UTS2: variants seen among roughly 807,000 people sequenced by gnomAD.
The protein encoded by UTS2 is urotensin-2.
Under a neutral mutation model 12.6 loss-of-function variants are expected in UTS2, and 10 were observed. The observed-to-expected ratio is 0.80, with a 90% CI of 0.49 to 1.35. UTS2 has a LOEUF of 1.35. Ranked by LOEUF, UTS2 falls within the 40% of genes most tolerant of loss-of-function variation. The pLI is 0.00. For missense variants in UTS2, 142 were observed against 143.2 expected, an observed-to-expected ratio of 0.99 and a Z score of 0.04; for synonymous variants, 52 against 50.0, an observed-to-expected ratio of 1.04 and a Z score of -0.17.
chr1:7,881,951 C>A, the UTS2 span, among the ~76,000 whole-genome samples: 1 of 152,160 alleles, frequency 6.6e-6, no homozygotes, highest in Admixed American at 6.5e-5. Flanking sequence ...TGGAAAAGCA[C>A]AGAAAACCCA....
At chr1:7,900,554 A>G in the UTS2 span, among the ~76,000 whole-genome samples, 1 of 152,050 alleles carries the variant, frequency 6.6e-6, no homozygotes, top group African/African-American at 2.4e-5. Flanking sequence ...AGCCAGGTGG[A>G]TTACCTGAGG....
the UTS2 span, among the ~76,000 whole-genome samples, chr1:7,883,579 T>C: frequency 6.6e-6 from 1 of 152,204 alleles, no homozygotes; most frequent in Non-Finnish European, 1.5e-5. Context: ...CTTTTCAAAA[T>C]GATGGATATC....
upstream of UTS2, among the ~76,000 whole-genome samples, chr1:7,857,107 T>TGAAGGAAGGAAGGAAGGAAGGAAGAAG: frequency 8.0e-6 from 1 of 125,370 alleles, no homozygotes; most frequent in East Asian, 2.4e-4. Context: ...AGAAAAGGAA[T>TGAAGGAAGGAAGGAAGGAAGGAAGAAG]GAAGGAAGGA....
the UTS2 span, among the ~76,000 whole-genome samples, chr1:7,871,920 T>C: frequency 6.6e-6 from 1 of 152,138 alleles, no homozygotes; most frequent in Non-Finnish European, 1.5e-5. Flanking sequence ...ATATTGAAAT[T>C]AGGCCAATTA....
the UTS2 span, among the ~76,000 whole-genome samples, chr1:7,889,260 C>CAAA: frequency 9.9e-4 from 72 of 72,518 alleles, no homozygotes; most frequent in East Asian, 7.2e-3. Flanking sequence ...CTCATTTCTA[C>CAAA]AAAAAAAAAA....
the UTS2 span, among the ~76,000 whole-genome samples, chr1:7,879,929 C>A: frequency 1.3e-5 from 2 of 151,992 alleles, no homozygotes; most frequent in Non-Finnish European, 2.9e-5. Flanking sequence ...AAAACAAGAA[C>A]AAGCCAAACC....
At chr1:7,863,125 A>ATTTT in the UTS2 span, among the ~76,000 whole-genome samples, 3 of 149,568 alleles carry the variant, frequency 2.0e-5, no homozygotes, top group Admixed American at 6.7e-5. Flanking sequence ...ATTGTATTGT[A>ATTTT]TTTGAGACGA....
the UTS2 span, among the ~76,000 whole-genome samples, chr1:7,891,540 G>GAAAGAAAGAAAGAAAA: frequency 3.0e-4 from 26 of 86,452 alleles, no homozygotes; most frequent in African/African-American, 1.2e-3. Flanking sequence ...AGAAAGAAAA[G>GAAAGAAAGAAAGAAAA]AAAGAAAGAA....
At chr1:7,894,916 G>GC in the UTS2 span, among the ~76,000 whole-genome samples, 1 of 151,900 alleles carries the variant, frequency 6.6e-6, no homozygotes, top group Non-Finnish European at 1.5e-5. Flanking sequence ...GGGCGAGAGA[G>GC]CAAGACCCTG....
chr1:7,854,360 G>A (rs1243523640), upstream of UTS2, among the ~76,000 whole-genome samples: 1 of 83,138 alleles, frequency 1.2e-5, no homozygotes, highest in African/African-American at 6.1e-5. Context: ...AAAAAAAAGA[G>A]AAGGAGAAAC....
the UTS2 span, among the ~76,000 whole-genome samples, chr1:7,863,219 C>T: frequency 2.0e-5 from 3 of 151,686 alleles, no homozygotes; most frequent in East Asian, 5.8e-4. Flanking sequence ...TCAAGTGATT[C>T]TCCTGTCTCA....
chr1:7,849,552 ACTCCT>A, intron 3 of UTS2, 83 bp downstream of exon 3: 1 of 1,195,682 alleles, frequency 8.4e-7, no homozygotes, highest in Non-Finnish European at 1.2e-6. Flanking sequence ...CACCAAGAAC[ACTCCT>A]CTAGTTCATG....
chr1:7,885,917 GC>G, the UTS2 span, among the ~76,000 whole-genome samples: 8,065 of 74,300 alleles, frequency 0.11, 409 homozygotes, highest in South Asian at 0.16. Context: ...GTGGGGGGGG[GC>G]GGGTGGAGGT....
the UTS2 span, among the ~76,000 whole-genome samples, chr1:7,867,680 A>T: frequency 6.6e-6 from 1 of 152,152 alleles, no homozygotes; most frequent in African/African-American, 2.4e-5. Flanking sequence ...GTTCGAGACC[A>T]GCCTGGCCAA....
the UTS2 span, among the ~76,000 whole-genome samples, chr1:7,887,592 C>CAAAAAAAA: frequency 1.9e-3 from 119 of 62,440 alleles, 3 homozygotes; most frequent in African/African-American, 7.5e-3. Context: ...CCAGTCTCTA[C>CAAAAAAAA]AAAAAAAAAA....
the UTS2 span, among the ~76,000 whole-genome samples, chr1:7,869,834 T>G: frequency 6.6e-6 from 1 of 152,384 alleles, no homozygotes. Context: ...ATGACTCAGA[T>G]GTCACCTGAA....
upstream of UTS2, among the ~76,000 whole-genome samples, chr1:7,854,829 A>G (rs1638274213): frequency 2.6e-5 from 4 of 152,050 alleles, no homozygotes; most frequent in South Asian, 4.1e-4. Context: ...CAATGTATGC[A>G]TATATCAAAA....
chr1:7,863,319 C>G, the UTS2 span, among the ~76,000 whole-genome samples: 1 of 151,976 alleles, frequency 6.6e-6, no homozygotes, highest in Non-Finnish European at 1.5e-5. Flanking sequence ...CCATGTTGGT[C>G]AGGCTGGTCT....
At chr1:7,854,493 C>T (rs576010946), upstream of UTS2, among the ~76,000 whole-genome samples, 6 of 127,282 alleles carry the variant, frequency 4.7e-5, no homozygotes, top group East Asian at 1.1e-3. Flanking sequence ...GCCTGGGTGA[C>T]AGAGCGAGAC....
Sources: allele counts gnomAD v4.1 joint callset (sites outside exome capture counted in the v4.1 genomes callset), GRCh38; gene constraint gnomAD v4.1.1; transcripts MANE v1.5; gene names NCBI Gene and HGNC (gene_info 2026-07-23, HGNC 2026-07-21).